Variants in CLEC16A observed in about 807,000 individuals in gnomAD.
CLEC16A encodes the protein protein CLEC16A.
Under a neutral mutation model 109.5 loss-of-function variants are expected in CLEC16A, and 51 were observed. The ratio of observed to expected loss-of-function variants is 0.47; its 90% CI spans 0.37 to 0.59. The LOEUF is 0.59. Among genes scored for constraint, CLEC16A ranks in the 20% least tolerant of loss-of-function variants. The probability of loss-of-function intolerance (pLI) is 0.00; values close to 1 mark genes in which losing one functional copy is unlikely to be tolerated. For missense variants in CLEC16A, 1,339 were observed against 1,394.0 expected (o/e 0.96, Z 0.63); for synonymous variants, 673 against 564.2 (o/e 1.19, Z -2.73).
intron 4 of CLEC16A, among the ~76,000 whole-genome samples, chr16:10,969,893 G>A (rs1212943155): frequency 6.6e-6 from 1 of 152,062 alleles, no homozygotes; most frequent in Non-Finnish European, 1.5e-5. Context: ...GGTTATTAGG[G>A]GTTAAATTAA....
intron 19 of CLEC16A, among the ~76,000 whole-genome samples, chr16:11,106,967 G>C (rs1446789524): frequency 1.3e-5 from 2 of 152,140 alleles, no homozygotes; most frequent in African/African-American, 4.8e-5. Context: ...GTGCTTCTTG[G>C]TGGGGAAGTG....
At chr16:10,983,165 G>A (rs2146743544) in intron 10 of CLEC16A, among the ~76,000 whole-genome samples, 174 bp downstream of exon 10, 2 of 152,322 alleles carry the variant, frequency 1.3e-5, no homozygotes, top group South Asian at 4.1e-4. Flanking sequence ...CCCAAGAGAA[G>A]CTGGGATCAG....
chr16:11,136,593 A>T (rs2053575246), intron 22 of CLEC16A, among the ~76,000 whole-genome samples: 1 of 152,200 alleles, frequency 6.6e-6, no homozygotes, highest in Non-Finnish European at 1.5e-5. Context: ...TTCTGCTGTC[A>T]ATTACAAAGA....
rs985506623 is a variant in CLEC16A, at chr16:10,982,947, T to A, written c.1027T>A (p.Ser343Thr). Residue 343 changes from serine to threonine, a missense_variant, in exon 10 of 24, where the codon TCT (serine) becomes ACT (threonine). This residue lies in a region of CLEC16A where 1,061 missense variants were observed against 1,006.8 expected (regional missense o/e 1.05). Coordinates refer to ENST00000409790, the MANE Select transcript of CLEC16A (RefSeq NM_015226.3). Reference protein sequence around the residue: ...LAEVILNGDLSEMYAKTEQDI... With the variant: ...LAEVILNGDLTEMYAKTEQDI... Reference sequence around the variant, plus strand: ...TGAAGTCATTCTGAATGGTGATCTGTCTGAGATGTACGCTAAGACTGAACA... The same window carrying A: ...TGAAGTCATTCTGAATGGTGATCTGACTGAGATGTACGCTAAGACTGAACA... 1 of 1,612,912 alleles carries A rather than the reference T, an allele frequency of 6.2e-7. No homozygotes were observed. Among genetic ancestry groups the A allele is most frequent in the Admixed American group, 1.7e-5 (1 of 60,010 alleles).
chr16:11,070,544 C>T (rs190374156), intron 19 of CLEC16A: 20 of 152,302 alleles, frequency 1.3e-4, no homozygotes, highest in Admixed American at 1.1e-3. Context: ...GCAGTAGTCT[C>T]TTGCCCAGTC....
At chr16:11,155,514 G>A (rs1198189879) in intron 22 of CLEC16A, among the ~76,000 whole-genome samples, 1 of 152,242 alleles carries the variant, frequency 6.6e-6, no homozygotes, top group African/African-American at 2.4e-5. Flanking sequence ...GGTCTGCCAG[G>A]GCAGACGTCA....
At chr16:11,126,347 G>A in intron 22 of CLEC16A, 12 of 1,461,250 alleles carry the variant, frequency 8.2e-6, no homozygotes, top group Non-Finnish European at 9.9e-6. Context: ...TCCCTTTAGT[G>A]TTTGGTTTGG....
chr16:11,095,322 C>T (rs1344273328), intron 19 of CLEC16A, among the ~76,000 whole-genome samples: 2 of 152,204 alleles, frequency 1.3e-5, no homozygotes, highest in Non-Finnish European at 2.9e-5. Flanking sequence ...GAAAGGCCCT[C>T]ATAGCAGCCT....
chr16:10,994,046 G>A (rs1336721088), intron 10 of CLEC16A, among the ~76,000 whole-genome samples: 1 of 152,224 alleles, frequency 6.6e-6, no homozygotes, highest in Non-Finnish European at 1.5e-5. Context: ...TGAGCACGCG[G>A]CTGCAAGAGG....
intron 19 of CLEC16A, among the ~76,000 whole-genome samples, chr16:11,095,772 G>A (rs564989654): frequency 6.2e-5 from 9 of 145,508 alleles, no homozygotes; most frequent in South Asian, 2.2e-4. Flanking sequence ...AGATCGTACC[G>A]CTGCACTCCA....
chr16:10,999,706 C>A (rs1182767355), intron 10 of CLEC16A, among the ~76,000 whole-genome samples: 2 of 152,088 alleles, frequency 1.3e-5, no homozygotes, highest in Non-Finnish European at 2.9e-5. Context: ...AAAGTAGATC[C>A]CTTTGGAAAG....
At chr16:11,053,258 C>G (rs1390707304) in intron 18 of CLEC16A, among the ~76,000 whole-genome samples, 1 of 152,152 alleles carries the variant, frequency 6.6e-6, no homozygotes, top group South Asian at 2.1e-4. Context: ...AACACATAGC[C>G]TCTGTTATGA....
intron 22 of CLEC16A, among the ~76,000 whole-genome samples, chr16:11,155,011 T>C (rs2054451773): frequency 6.6e-6 from 1 of 150,414 alleles, no homozygotes; most frequent in South Asian, 2.1e-4. Flanking sequence ...TAGTCCCAGC[T>C]ACACGGGAGG....
Position 11,003,015 on chromosome 16 carries a change from A to G in CLEC16A, c.1072-59A>G, listed in dbSNP as rs528532992. 1.1e-5 allele frequency: 16 copies of G among 1,393,976 alleles called. No individual in the cohort carries two copies. The African/African-American group carries it at 1.9e-4, about 16-fold the overall frequency. 86.4% of individuals were successfully genotyped at this position (1,393,976 alleles called of 1,614,324 possible). A position where few individuals can be genotyped will look rare whatever the true frequency, so the allele number is the denominator to read the frequency against. ...GACAGAAACTTTTGGGCAACTTGATAGCATCCAGCAGGATTCTAGTGTTCA... is the reference window on the plus strand; with the variant it reads ...GACAGAAACTTTTGGGCAACTTGATGGCATCCAGCAGGATTCTAGTGTTCA... On this transcript the variant is annotated intron_variant, in intron 10 of 23. Transcript: ENST00000409790.
chr16:11,000,634 TG>T, intron 10 of CLEC16A, among the ~76,000 whole-genome samples: 1 of 152,208 alleles, frequency 6.6e-6, no homozygotes, highest in Non-Finnish European at 1.5e-5. Flanking sequence ...CGCTCCCATC[TG>T]GGGGCCCTCG....
intron 10 of CLEC16A, among the ~76,000 whole-genome samples, chr16:11,001,291 G>T (rs2044656168): frequency 6.6e-6 from 1 of 152,152 alleles, no homozygotes; most frequent in Admixed American, 6.5e-5. Flanking sequence ...TTGCCATGTT[G>T]CCCAGGCTGG....
intron 13 of CLEC16A, among the ~76,000 whole-genome samples, chr16:11,025,255 C>T (rs900709691): frequency 6.6e-6 from 1 of 152,214 alleles, no homozygotes; most frequent in African/African-American, 2.4e-5. Flanking sequence ...TCTTTCCTAA[C>T]ATCAGAACTG....
chr16:11,092,896 GTGACTGTCGTTATCCTCATCATCA>G (rs1362715184), intron 19 of CLEC16A, among the ~76,000 whole-genome samples: 3 of 152,216 alleles, frequency 2.0e-5, no homozygotes, highest in African/African-American at 7.2e-5. Context: ...CCAATGCATG[GTGACTGTCGTTATCCTCATCATCA>G]TGACTGTCCC....
At chr16:10,977,092 A>C in intron 7 of CLEC16A, 133 bp from the exon 8 acceptor site, 1 of 795,076 alleles carries the variant, frequency 1.3e-6, no homozygotes, top group South Asian at 1.8e-5. Context: ...AGTAGGGGCC[A>C]GGATAAGTGT....
Sources: allele counts gnomAD v4.1 joint callset (sites outside exome capture counted in the v4.1 genomes callset), GRCh38; gene constraint gnomAD v4.1.1; regional missense constraint gnomAD v4.1.1; transcripts MANE v1.5; gene names NCBI Gene and HGNC (gene_info 2026-07-23, HGNC 2026-07-21).